GPR143: variants seen among roughly 807,000 people sequenced by gnomAD.
The protein encoded by GPR143 is G-protein coupled receptor 143.
In GPR143, 8 loss-of-function variants were observed where a neutral mutation model predicts 27.6. The ratio of observed to expected loss-of-function variants is 0.29; its 90% CI spans 0.17 to 0.52. The LOEUF (loss-of-function observed/expected upper bound fraction) is 0.52, where lower values mean the gene tolerates loss of function less well. GPR143 is among the 20% of genes least tolerant of loss of function. The probability of loss-of-function intolerance (pLI) is 0.96; values close to 1 mark genes in which losing one functional copy is unlikely to be tolerated. For missense variants in GPR143, 303 were observed against 343.1 expected (o/e 0.88, Z 0.92); for synonymous variants, 156 against 153.2 (o/e 1.02, Z -0.13).
intron 3 of GPR143, among the ~76,000 whole-genome samples, chrX:9,753,503 A>T (rs1032929483): frequency 9.1e-6 from 1 of 109,575 alleles, no homozygotes; most frequent in Admixed American, 9.7e-5. Context: ...TTTTATGGAG[A>T]TGTCAGAAAG....
intron 1 of GPR143, 30 bp from the exon 2 acceptor site, chrX:9,760,856 C>G (rs777453908): frequency 1.3e-6 from 1 of 776,283 alleles, no homozygotes; most frequent in Non-Finnish European, 1.9e-6. Flanking sequence ...TACTTTGTAT[C>G]TGATCCTAAT....
chrX:9,752,947 C>T (rs747254817), intron 3 of GPR143, among the ~76,000 whole-genome samples: 19 of 111,010 alleles, frequency 1.7e-4, no homozygotes, highest in Non-Finnish European at 1.1e-4. Flanking sequence ...ACAGAGGGAG[C>T]GCCGTGTGTT....
intron 8 of GPR143, chrX:9,726,105 T>C (rs754849738): frequency 3.2e-4 from 130 of 407,494 alleles, no homozygotes; most frequent in Non-Finnish European, 3.6e-4. Flanking sequence ...GGCCAGTTGA[T>C]TGATAGGTGA....
intron 8 of GPR143, among the ~76,000 whole-genome samples, chrX:9,730,724 GT>G (rs760701591): frequency 4.6e-4 from 52 of 112,107 alleles, no homozygotes; most frequent in African/African-American, 1.6e-3. Flanking sequence ...GGGAAGAGAA[GT>G]CCAGGCTAAC....
At position 9,725,980 on chromosome X, in the gene GPR143, CAAAAAAAAAAAA is replaced by C. The variant is rs35066814; in HGVS notation, c.1121-152_1121-141del. On this transcript the variant is annotated intron_variant, in intron 8 of 8. Transcript: ENST00000467482. ...AAAGTCCTAGCATTCATCTCATCTG[CAAAAAAAAAAAA>C]AAAAAAAAAAAAAGGTGGGAGGGGT... The C allele has an allele frequency of 1.9e-4, 68 of 354,980 alleles. 1 individual carries two copies. In the East Asian group the frequency reaches 0.011, roughly 56 times the overall value. The allele number at this position is 354,980 out of a possible 1,213,427, so 29.3% of individuals were successfully genotyped here. A position where few individuals can be genotyped will look rare whatever the true frequency, so the allele number is the denominator to read the frequency against.
intron 8 of GPR143, among the ~76,000 whole-genome samples, chrX:9,731,793 G>T (rs2083354790): frequency 1.1e-5 from 1 of 88,672 alleles, no homozygotes; most frequent in Admixed American, 1.2e-4. Flanking sequence ...GCAATATAAG[G>T]AATTGGGGGG....
intron 8 of GPR143, among the ~76,000 whole-genome samples, chrX:9,732,992 T>C (rs779426837): frequency 9.1e-6 from 1 of 110,383 alleles, no homozygotes; most frequent in Non-Finnish European, 1.9e-5. Context: ...AAGACAAGGA[T>C]TGTGGGAGAC....
chrX:9,746,283 C>G (rs1444768684), intron 4 of GPR143, 130 bp from the exon 5 acceptor site: 1 of 505,826 alleles, frequency 2.0e-6, no homozygotes, highest in Non-Finnish European at 3.6e-6. Context: ...GCTGACTGCC[C>G]AAAGGAAATG....
At position 9,760,796 on chromosome X, in the gene GPR143, C is replaced by G. The variant is rs200574016; in HGVS notation, c.281G>C (p.Gly94Ala). Residue 94 changes from glycine (G) to alanine (A), a missense_variant, in exon 2 of 9, where the codon GGA (glycine) becomes GCA (alanine). Coordinates refer to ENST00000467482, the MANE Select transcript of GPR143 (RefSeq NM_000273.3). ...GACGCTGTCAACAAAATTTGGGAATCCTAACCACACGGTGGACCGGATCAC... is the reference window on the plus strand; with the variant it reads ...GACGCTGTCAACAAAATTTGGGAATGCTAACCACACGGTGGACCGGATCAC... ...GMVIRSTVWL[G>A]FPNFVDSVSD... 2.1e-4 allele frequency: 239 copies of G among 1,164,715 alleles called. No individual in the cohort carries two copies. The highest frequency in any genetic ancestry group is 2.6e-4 in the Non-Finnish European group (227 of 858,372).
chrX:9,734,904 A>C (rs1333966438), intron 8 of GPR143, among the ~76,000 whole-genome samples: 3 of 112,080 alleles, frequency 2.7e-5, no homozygotes, highest in African/African-American at 9.7e-5. Context: ...CCTGAGAGCC[A>C]GCGCAGGCCC....
intron 6 of GPR143, among the ~76,000 whole-genome samples, chrX:9,742,394 G>A (rs1386896987): frequency 9.0e-6 from 1 of 111,167 alleles, no homozygotes; most frequent in African/African-American, 3.3e-5. Flanking sequence ...TCAGCCTCCC[G>A]AGTAGCTGGG....
upstream of GPR143, among the ~76,000 whole-genome samples, chrX:9,770,323 A>AGAGAGAG (rs2083549800): frequency 1.0e-4 from 9 of 89,019 alleles, no homozygotes; most frequent in African/African-American, 4.3e-4. Context: ...AAGAAAGAAA[A>AGAGAGAG]AGAGAGAGAG....
At chrX:9,766,899 TCTCTCACACA>T (rs1237529987), upstream of GPR143, among the ~76,000 whole-genome samples, 5 of 67,144 alleles carry the variant, frequency 7.4e-5, no homozygotes, top group East Asian at 4.4e-4. Context: ...CCTATCTCTC[TCTCTCACACA>T]CACACACACA....
chrX:9,736,035 C>A (rs1487861503), intron 8 of GPR143, among the ~76,000 whole-genome samples: 1 of 110,970 alleles, frequency 9.0e-6, no homozygotes, highest in African/African-American at 3.3e-5. Flanking sequence ...TTTACATAGT[C>A]CCAGGGATCC....
chrX:9,744,786 A>C (rs2083420918), intron 5 of GPR143, among the ~76,000 whole-genome samples: 1 of 112,564 alleles, frequency 8.9e-6, no homozygotes, highest in Non-Finnish European at 1.9e-5. Flanking sequence ...AAAATATTTA[A>C]AAGTTTAGAG....
chrX:9,761,014 A>G (rs1218471901), intron 1 of GPR143, among the ~76,000 whole-genome samples, 188 bp from the exon 2 acceptor site: 1 of 111,433 alleles, frequency 9.0e-6, no homozygotes, highest in Non-Finnish European at 1.9e-5. Flanking sequence ...GAAAGGAAGA[A>G]AAAACATACA....
At chrX:9,754,247 G>A (rs1476321833) in intron 3 of GPR143, among the ~76,000 whole-genome samples, 1 of 112,148 alleles carries the variant, frequency 8.9e-6, no homozygotes, top group East Asian at 2.8e-4. Flanking sequence ...TGAGACAAGA[G>A]GAAAGAAACA....
Position 9,748,555 on chromosome X carries a change from C to A in GPR143, c.548+19G>T, listed in dbSNP as rs781321225. On this transcript the variant is annotated intron_variant, in intron 4 of 8. Coordinates refer to ENST00000467482, the MANE Select transcript of GPR143 (RefSeq NM_000273.3). ...GAGCCAAGGATGGGGCTGCCTGGGG[C>A]GCTGGAGTCCCAACTTACCTGGACA... 1 of 1,073,386 alleles carries A rather than the reference C, an allele frequency of 9.3e-7. No individual in the cohort carries two copies. Among genetic ancestry groups the A allele is most frequent in the African/African-American group, 1.8e-5 (1 of 55,282 alleles). The allele number at this position is 1,073,386 out of a possible 1,213,427, so 88.5% of individuals were successfully genotyped here.
At chrX:9,740,859 G>A in intron 7 of GPR143, 1 of 280,882 alleles carries the variant, frequency 3.6e-6, no homozygotes, top group Non-Finnish European at 6.2e-6. Context: ...TTCATGGTCT[G>A]AAGCATTCCT....
Sources: gnomAD v4.1 joint callset for allele counts (sites outside exome capture counted in the v4.1 genomes callset) on GRCh38, gnomAD v4.1.1 for gene constraint, MANE v1.5 for transcripts, NCBI Gene and HGNC (gene_info 2026-07-23, HGNC 2026-07-21) for gene names.